Variants in SLC11A2 observed in about 807,000 individuals in gnomAD.
SLC11A2 encodes natural resistance-associated macrophage protein 2.
SLC11A2 carries 38 observed loss-of-function variants against 68.0 expected under a neutral mutation model. The ratio of observed to expected loss-of-function variants is 0.56; its 90% confidence interval spans 0.43 to 0.73. The LOEUF is 0.73. SLC11A2 is among the 30% of genes least tolerant of loss of function. The probability of loss-of-function intolerance (pLI) is 0.00; values close to 1 mark genes in which losing one functional copy is unlikely to be tolerated. For missense variants in SLC11A2, 517 were observed against 690.5 expected (o/e 0.75, Z 2.82); for synonymous variants, 242 against 250.6 (o/e 0.97, Z 0.32).
In SLC11A2 at chr12:51,005,382, T is replaced by C. The variant is rs1426692994; in HGVS notation, c.238A>G (p.Met80Val). 6.2e-7 allele frequency: 1 copy of C among 1,614,000 alleles called. No individual in the cohort carries two copies. Among genetic ancestry groups the C allele is most frequent in the Admixed American group, 1.7e-5 (1 of 60,004 alleles). Residue 80 changes from methionine (M) to valine (V), a missense_variant, in exon 4 of 16, where the codon ATG becomes GTG. Transcript: ENST00000262052. ...CCTGGATCCAGGTAGGCAATGCTCA[T>C]AAGAAAACCTGGTCCGGTGAAAGCC... ...LWAFTGPGFLMSIAYLDPGNI... is the reference protein window; with the variant it reads ...LWAFTGPGFLVSIAYLDPGNI...
chr12:50,989,021 T>A (rs528633879), intron 15 of SLC11A2, among the ~76,000 whole-genome samples: 1 of 152,276 alleles, frequency 6.6e-6, no homozygotes, highest in Admixed American at 6.5e-5. Flanking sequence ...GCCTGTTGTT[T>A]GTTTCTTTTA....
intron 8 of SLC11A2, among the ~76,000 whole-genome samples, chr12:50,998,775 G>A (rs1941955104): frequency 6.6e-6 from 1 of 152,098 alleles, no homozygotes; most frequent in South Asian, 2.1e-4. Context: ...TTAATATTGG[G>A]AAAGTTCAAG....
chr12:50,997,117 A>G, intron 8 of SLC11A2, 145 bp from the exon 9 acceptor site: 1 of 715,304 alleles, frequency 1.4e-6, no homozygotes, highest in Non-Finnish European at 2.5e-6. Context: ...TTGCTCTGTC[A>G]CCCAGGCTGG....
chr12:50,973,761 T>C, the SLC11A2 span, among the ~76,000 whole-genome samples: 1 of 152,170 alleles, frequency 6.6e-6, no homozygotes, highest in Non-Finnish European at 1.5e-5. Context: ...GACGAATGGC[T>C]AACTAGAATC....
Position 51,026,382 on chromosome 12 carries a change from G to C in SLC11A2, c.-111C>G. ...TCCATATTCCGGGAGCCAGCGCCAC[G>C]CTGGCTAACGCCCTCCCCTCCCCGC... On this transcript the variant is annotated 5_prime_UTR_variant, in exon 1 of 16. Coordinates refer to ENST00000262052, the MANE Select transcript of SLC11A2 (RefSeq NM_000617.3). The C allele has an allele frequency of 7.8e-7, 1 of 1,274,124 alleles. No individual in the cohort carries two copies. Among genetic ancestry groups the C allele is most frequent in the Non-Finnish European group, 1.0e-6 (1 of 977,552 alleles). The allele number at this position is 1,274,124 out of a possible 1,614,324, so 78.9% of individuals were successfully genotyped here. A position where few individuals can be genotyped will look rare whatever the true frequency, so the allele number is the denominator to read the frequency against.
chr12:50,996,955 G>A lies in SLC11A2; in HGVS notation c.693C>T (p.Pro231=). The change falls in exon 9 of 16, where the codon CCC becomes CCT. Residue 231 remains proline, a synonymous_variant. Transcript: ENST00000262052. ...TGCCCTTGAGTACCTGGCTCTGGCT[G>A]GGTTTCACTGTAACATACTACATAC... ...TFGYEYVTVK[P]SQSQVLKGMF... The A allele has an allele frequency of 6.2e-7, 1 of 1,613,976 alleles. No individual in the cohort carries two copies. The highest frequency in any genetic ancestry group is 1.3e-5 in the African/African-American group (1 of 75,004).
At chr12:50,994,505 T>C (rs773157931) in intron 11 of SLC11A2, 39 bp downstream of exon 11, 2 of 1,295,898 alleles carry the variant, frequency 1.5e-6, no homozygotes, top group African/African-American at 1.5e-5. Context: ...CTAAAAATAC[T>C]GATTCAGGAA....
Position 51,014,315 on chromosome 12 carries a change from C to G in SLC11A2, c.-38-3549G>C, listed in dbSNP as rs577417680. ...AGCGTGATCTTCCCAGGACTGTAGT[C>G]TGCAAATATTTTTAGACAGAAATAT... On this transcript the variant is annotated intron_variant, in intron 1 of 15. Transcript: ENST00000262052. The G allele has an allele frequency of 3.3e-5, 5 of 152,220 alleles. No individual in the cohort carries two copies. The South Asian group carries it at 8.3e-4, about 25-fold the overall frequency. The allele number at this position is 152,220 out of a possible 1,614,324, so 9.4% of individuals were successfully genotyped here.
At chr12:51,000,680 T>C (rs1384071550) in intron 5 of SLC11A2, 1 of 588,474 alleles carries the variant, frequency 1.7e-6, no homozygotes, top group Admixed American at 3.2e-5. Flanking sequence ...TTTTTCTTTT[T>C]CCTTTCTACT....
chr12:50,995,521 A>C (rs1442703529), intron 10 of SLC11A2, 108 bp downstream of exon 10: 2 of 1,161,012 alleles, frequency 1.7e-6, no homozygotes, highest in Admixed American at 1.7e-5. Flanking sequence ...GCTAGAGATT[A>C]TTTCTCCTGA....
chr12:50,974,532 A>G (rs1333765353), downstream of SLC11A2, among the ~76,000 whole-genome samples: 1 of 151,958 alleles, frequency 6.6e-6, no homozygotes, highest in Non-Finnish European at 1.5e-5. Context: ...CCACTGCAAA[A>G]ACATGCCAAA....
At chr12:50,970,006 G>A in the SLC11A2 span, among the ~76,000 whole-genome samples, 12 of 151,880 alleles carry the variant, frequency 7.9e-5, no homozygotes, top group Non-Finnish European at 1.5e-4. Flanking sequence ...CATATCATCC[G>A]CCTAAACTCA....
intron 1 of SLC11A2, among the ~76,000 whole-genome samples, chr12:51,011,914 G>A (rs2136331338): frequency 6.6e-6 from 1 of 152,238 alleles, no homozygotes; most frequent in Middle Eastern, 3.4e-3. Flanking sequence ...TCTAAAATAT[G>A]TAATTTAAGC....
In SLC11A2 at chr12:50,994,614, T is replaced by C. The variant is rs1941523295; in HGVS notation, c.1007A>G (p.Asn336Ser). The change falls in exon 11 of 16, where the codon AAT becomes AGT. Residue 336 changes from asparagine (N) to serine (S), a missense_variant. Asn to Ser is a conservative substitution (Grantham distance 46). Transcript: ENST00000262052. ...GAGGCCAGCATGAGGACTGCTGGTA[T>C]TTGTACAGACTTCAACCTAGAACCC... ...TNEQVVEVCT[N>S]TSSPHAGLFP... 1 of 1,611,974 alleles carries C rather than the reference T, an allele frequency of 6.2e-7. No individual in the cohort carries two copies. The highest frequency in any genetic ancestry group is 1.6e-4 in the Middle Eastern group (1 of 6,062).
intron 1 of SLC11A2, among the ~76,000 whole-genome samples, chr12:51,016,615 G>A (rs1943669544): frequency 6.6e-6 from 1 of 151,346 alleles, no homozygotes; most frequent in African/African-American, 2.4e-5. Flanking sequence ...CTGAGAGGCA[G>A]AGGTTGCAGT....
At chr12:50,969,887 C>T in the SLC11A2 span, among the ~76,000 whole-genome samples, 3 of 152,024 alleles carry the variant, frequency 2.0e-5, no homozygotes, top group African/African-American at 7.2e-5. Flanking sequence ...TGGGTGAGAA[C>T]ATTTGCTGAC....
At chr12:51,013,912 C>T (rs1386566815) in intron 1 of SLC11A2, among the ~76,000 whole-genome samples, 3 of 151,960 alleles carry the variant, frequency 2.0e-5, no homozygotes, top group Non-Finnish European at 4.4e-5. Flanking sequence ...ACCTCCGCCT[C>T]CCGGGTTCAA....
At chr12:51,005,589 A>G in intron 3 of SLC11A2, 153 bp from the exon 4 acceptor site, 2 of 1,478,522 alleles carry the variant, frequency 1.4e-6, no homozygotes, top group Non-Finnish European at 1.8e-6. Context: ...TTTCACCTCC[A>G]TCTTACCCAC....
chr12:50,981,225 G>A (rs1267106443), downstream of SLC11A2: 1 of 152,152 alleles, frequency 6.6e-6, no homozygotes, highest in East Asian at 1.9e-4. Flanking sequence ...CACTGACATA[G>A]TAAAGTATCA....
Sources: allele counts gnomAD v4.1 joint callset (sites outside exome capture counted in the v4.1 genomes callset), GRCh38; gene constraint gnomAD v4.1.1; transcripts MANE v1.5; gene names NCBI Gene and HGNC (gene_info 2026-07-23, HGNC 2026-07-21).